VAV2: variants seen among roughly 807,000 people sequenced by gnomAD.
VAV2 encodes vav guanine nucleotide exchange factor 2, also known as guanine nucleotide exchange factor VAV2.
VAV2 carries 67 observed loss-of-function variants against 132.5 expected under a neutral mutation model. The observed-to-expected ratio is 0.51, with a 90% CI of 0.42 to 0.62. The LOEUF is 0.62. Among genes scored for constraint, VAV2 ranks in the 20% least tolerant of loss-of-function variants. The pLI is 0.00. For synonymous variants in VAV2, 492 were observed against 443.5 expected, an observed-to-expected ratio of 1.11 and a Z score of -1.37; for missense variants, 938 against 1,153.6, an observed-to-expected ratio of 0.81 and a Z score of 2.71.
chr9:133,850,934 C>G (rs574768957), intron 3 of VAV2, among the ~76,000 whole-genome samples: 1 of 152,364 alleles, frequency 6.6e-6, no homozygotes, highest in Non-Finnish European at 1.5e-5. Context: ...CCTCCCCCAT[C>G]ATGGTGCCAT....
intron 2 of VAV2, among the ~76,000 whole-genome samples, chr9:133,929,975 G>C (rs1341847011): frequency 1.3e-5 from 2 of 152,228 alleles, no homozygotes; most frequent in Non-Finnish European, 2.9e-5. Context: ...TAAAAGTGGA[G>C]CTATTCCGAT....
chr9:133,962,782 G>A (rs1842007488), intron 1 of VAV2, among the ~76,000 whole-genome samples: 1 of 152,164 alleles, frequency 6.6e-6, no homozygotes, highest in Non-Finnish European at 1.5e-5. Context: ...ATCATTGTTT[G>A]ATTTTGCAGG....
Position 133,935,562 on chromosome 9 carries a change from G to A in VAV2, c.321+3541C>T, listed in dbSNP as rs983397133. 1.1e-4 allele frequency among the ~76,000 whole-genome samples: 17 copies of A among 152,334 alleles called. No individual in the cohort carries two copies. Among genetic ancestry groups the A allele is most frequent in the East Asian group, 5.8e-4 (3 of 5,180 alleles). ...TCTGAGCACCTGGGCAGACCAGGCC[G>A]CAGGGAGGAGCTGGGCTTTTGCTTG... On this transcript the variant is annotated intron_variant, in intron 2 of 29. Transcript: ENST00000371850. The surrounding 1 kb of genome is among the most constrained non-coding windows in gnomAD (Gnocchi z 5.2).
chr9:133,816,080 C>G (rs1414749800), intron 4 of VAV2, among the ~76,000 whole-genome samples: 1 of 152,198 alleles, frequency 6.6e-6, no homozygotes, highest in Non-Finnish European at 1.5e-5. Context: ...TTGGCACTTT[C>G]CTGATGGCTA....
At chr9:133,896,376 C>A (rs66573956) in intron 2 of VAV2, among the ~76,000 whole-genome samples, 35,055 of 152,054 alleles carry the variant, frequency 0.23, 4,180 homozygotes, top group African/African-American at 0.26. Flanking sequence ...ATCTCTTGAA[C>A]CCGGGAGGCA....
intron 1 of VAV2, among the ~76,000 whole-genome samples, chr9:133,973,596 C>T (rs1022477543): frequency 2.0e-5 from 3 of 151,886 alleles, no homozygotes; most frequent in Admixed American, 6.6e-5. Flanking sequence ...GCCCAACCCA[C>T]GCACGCCCTA....
At chr9:133,948,814 C>T (rs1841458515) in intron 1 of VAV2, among the ~76,000 whole-genome samples, 1 of 152,244 alleles carries the variant, frequency 6.6e-6, no homozygotes, top group African/African-American at 2.4e-5. Flanking sequence ...TGCTAACGAG[C>T]TGTCACGTAT....
chr9:133,864,457 G>A (rs1019798794), intron 2 of VAV2, among the ~76,000 whole-genome samples: 1 of 152,202 alleles, frequency 6.6e-6, no homozygotes, highest in African/African-American at 2.4e-5. Context: ...AGGCTGTGGT[G>A]GTTGAGTCTG....
rs113865479 is a variant in VAV2, at chr9:133,828,755, G to A, written c.449+5517C>T. On this transcript the variant is annotated intron_variant, in intron 4 of 29. Coordinates refer to ENST00000371850, the MANE Select transcript of VAV2 (RefSeq NM_001134398.2). The stretch of plus-strand genomic sequence containing the variant: ...AAACACCAAGCCTTGTCCCACAATA[G>A]CACAATACGCTGGACTTGCGCTGGA... Among the ~76,000 whole-genome samples the A allele has an allele frequency of 6.1e-3, 932 of 152,336 alleles. 7 individuals carry two copies. Among genetic ancestry groups the A allele is most frequent in the South Asian group, 0.037 (180 of 4,826 alleles).
chr9:133,786,470 A>T lies in VAV2; in HGVS notation c.1423-585T>A, dbSNP rs116733792. Among the ~76,000 whole-genome samples the T allele has an allele frequency of 6.0e-3, 913 of 152,294 alleles. 7 individuals are homozygous for T. Among genetic ancestry groups the T allele is most frequent in the African/African-American group, 0.02 (823 of 41,562 alleles). ...TGTGCGAGGATGCTCCACCGAGTGC[A>T]TATGTAGATGCATGTTAAGCGGGGG... is the stretch of plus-strand genomic sequence containing the variant. On this transcript the variant is annotated intron_variant, in intron 16 of 29. Transcript: ENST00000371850.
chr9:133,960,677 C>A (rs1308218930), intron 1 of VAV2, among the ~76,000 whole-genome samples: 2 of 152,216 alleles, frequency 1.3e-5, no homozygotes, highest in Admixed American at 6.5e-5. Context: ...AAGGGAGGTG[C>A]CCAGTATCCA....
intron 1 of VAV2, among the ~76,000 whole-genome samples, chr9:133,954,833 T>C (rs1841696334): frequency 6.6e-6 from 1 of 152,136 alleles, no homozygotes; most frequent in African/African-American, 2.4e-5. Context: ...AGTGTGTGTC[T>C]GCATTACGAT....
chr9:133,922,109 C>T (rs1840317905), intron 2 of VAV2, among the ~76,000 whole-genome samples: 1 of 152,272 alleles, frequency 6.6e-6, no homozygotes, highest in African/African-American at 2.4e-5. Flanking sequence ...ACCCGGCTCC[C>T]TCTGCTTTGT....
In VAV2 at chr9:133,991,235, C is replaced by G. The variant is rs1283585063; in HGVS notation, c.204+840G>C. On this transcript the variant is annotated intron_variant, in intron 1 of 29. Transcript: ENST00000371850. The surrounding 1 kb of genome is among the most constrained non-coding windows in gnomAD (Gnocchi z 4.8). ...TGCTCCCGGTAAGGATTCCGCGACCCCCGGAGAACAGGACGGAAGCCTCGA... is the reference window on the plus strand; with the variant it reads ...TGCTCCCGGTAAGGATTCCGCGACCGCCGGAGAACAGGACGGAAGCCTCGA... Among the ~76,000 whole-genome samples, 1 of 152,082 alleles carries G rather than the reference C, an allele frequency of 6.6e-6. No individual in the cohort carries two copies. The highest frequency in any genetic ancestry group is 2.4e-5 in the African/African-American group (1 of 41,408).
intron 1 of VAV2, among the ~76,000 whole-genome samples, chr9:133,946,940 G>A (rs1238729143): frequency 6.6e-6 from 1 of 152,094 alleles, no homozygotes; most frequent in Non-Finnish European, 1.5e-5. Context: ...CAAATGCCCT[G>A]GACAATGCCT....
chr9:133,812,328 G>A (rs987496539), intron 4 of VAV2, 112 bp from the exon 5 acceptor site: 5 of 994,412 alleles, frequency 5.0e-6, no homozygotes, highest in African/African-American at 4.8e-5. Context: ...CCACAGCGAG[G>A]TCACCTGCCC....
intron 2 of VAV2, among the ~76,000 whole-genome samples, chr9:133,871,455 T>C (rs1838044555): frequency 6.8e-6 from 1 of 146,816 alleles, no homozygotes; most frequent in Non-Finnish European, 1.5e-5. Flanking sequence ...GATGGATGGA[T>C]GGATGGAGAA....
In VAV2 at chr9:133,926,081, C is replaced by A. The variant is rs190276248; in HGVS notation, c.321+13022G>T. On this transcript the variant is annotated intron_variant, in intron 2 of 29. Coordinates refer to ENST00000371850, the MANE Select transcript of VAV2 (RefSeq NM_001134398.2). The surrounding 1 kb of genome is among the most constrained non-coding windows in gnomAD (Gnocchi z 4.3). Reference sequence around the variant, plus strand: ...TAAGAAAATGCAAGCTCTCAGCCAACGGGGTGGGGACTCACAGGAAAGAGA... The same window carrying A: ...TAAGAAAATGCAAGCTCTCAGCCAAAGGGGTGGGGACTCACAGGAAAGAGA... 6.8e-6 allele frequency: 1 copy of A among 146,872 alleles called. No individual in the cohort carries two copies. Among genetic ancestry groups the A allele is most frequent in the Non-Finnish European group, 1.5e-5 (1 of 67,236 alleles). The allele number at this position is 146,872 out of a possible 1,614,324, so 9.1% of individuals were successfully genotyped here. A position where few individuals can be genotyped will look rare whatever the true frequency, so the allele number is the denominator to read the frequency against.
At position 133,797,586 on chromosome 9, in the gene VAV2, C is replaced by T. The variant is rs758314059; in HGVS notation, c.936+124G>A. 1.6e-5 allele frequency: 13 copies of T among 829,206 alleles called. No homozygotes were observed. The Admixed American group carries it at 1.7e-4, about 11-fold the overall frequency. The allele number at this position is 829,206 out of a possible 1,614,324, so 51.4% of individuals were successfully genotyped here. A position where few individuals can be genotyped will look rare whatever the true frequency, so the allele number is the denominator to read the frequency against. On this transcript the variant is annotated intron_variant, in intron 10 of 29. Coordinates refer to ENST00000371850, the MANE Select transcript of VAV2 (RefSeq NM_001134398.2). ...AAGAAAAATCTACAAAAAACCATTACGTCATCACCCCCATCACCACCTTCC... is the reference window on the plus strand; with the variant it reads ...AAGAAAAATCTACAAAAAACCATTATGTCATCACCCCCATCACCACCTTCC...
Sources: gnomAD v4.1 joint callset for allele counts (sites outside exome capture counted in the v4.1 genomes callset) on GRCh38, gnomAD v4.1.1 for gene constraint, Gnocchi (gnomAD v3.1) non-coding constraint, MANE v1.5 for transcripts, NCBI Gene and HGNC (gene_info 2026-07-23, HGNC 2026-07-21) for gene names.